C20orf96: variants seen among roughly 807,000 people sequenced by gnomAD.
C20orf96 encodes uncharacterized protein C20orf96.
C20orf96 carries 57 observed loss-of-function variants against 52.6 expected under a neutral mutation model. The ratio of observed to expected loss-of-function variants is 1.08; its 90% confidence interval spans 0.88 to 1.35. C20orf96 has a LOEUF of 1.35. Ranked by LOEUF, C20orf96 falls within the 40% of genes most tolerant of loss-of-function variation. C20orf96 has a pLI of 0.00. For synonymous variants in C20orf96, 168 were observed against 157.2 expected (o/e 1.07, Z -0.51); for missense variants, 478 against 443.6 (o/e 1.08, Z -0.70).
rs1015870312 is a variant in C20orf96, at chr20:289,205, A to C, written c.187+354T>G. Among the ~76,000 whole-genome samples the C allele has an allele frequency of 1.3e-4, 14 of 110,348 alleles. No homozygotes were observed. The East Asian group carries it at 2.6e-3, about 21-fold the overall frequency. 72.4% of individuals were successfully genotyped at this position (110,348 alleles called of 152,430 possible). The stretch of plus-strand genomic sequence containing the variant: ...GTCACTTCAAATCTGGACCCCCCCC[A>C]AAAAAAATGCCCACATAATTGTCCA... On this transcript the variant is annotated intron_variant, in intron 3 of 10. Transcript: ENST00000360321.
chr20:275,860 T>A, intron 10 of C20orf96, 108 bp downstream of exon 10: 40 of 1,037,090 alleles, frequency 3.9e-5, no homozygotes, highest in Non-Finnish European at 4.7e-5. Flanking sequence ...CCTCCCTCCC[T>A]GTACAGGGTT....
chr20:279,466 A>C (rs2012191559), intron 4 of C20orf96, 136 bp from the exon 5 acceptor site: 3 of 1,005,654 alleles, frequency 3.0e-6, no homozygotes, highest in African/African-American at 1.8e-5. Flanking sequence ...ACGCGGCCCA[A>C]GCTGGGCGGT....
At chr20:285,296 G>A (rs561814969) in intron 3 of C20orf96, among the ~76,000 whole-genome samples, 5 of 152,224 alleles carry the variant, frequency 3.3e-5, no homozygotes, top group South Asian at 4.1e-4. Flanking sequence ...GGGACAAATC[G>A]CCCAGGTGGA....
intron 10 of C20orf96, among the ~76,000 whole-genome samples, 176 bp from the exon 11 acceptor site, chr20:271,443 TAC>T (rs71191933): frequency 0.062 from 8,273 of 134,070 alleles, 226 homozygotes; most frequent in African/African-American, 0.081. Context: ...TACACAAGCA[TAC>T]ACACACACAC....
rs201177209 is a variant in C20orf96 at position 278,916 on chromosome 20, GGC to G, written c.465+254_465+255del. On this transcript the variant is annotated intron_variant, in intron 5 of 10. Coordinates refer to ENST00000360321, the MANE Select transcript of C20orf96 (RefSeq NM_153269.3). Reference sequence around the variant, plus strand: ...CAGTGGGCGGGGAAAGGCAGGAGAGGGCGCGCGAGTGCGCGGAGGGAGGGCGG... The same window carrying G: ...CAGTGGGCGGGGAAAGGCAGGAGAGGGCGCGAGTGCGCGGAGGGAGGGCGG... Among the ~76,000 whole-genome samples, 118 of 57,046 alleles carry G rather than the reference GGC, an allele frequency of 2.1e-3. 1 individual carries two copies. The highest frequency in any genetic ancestry group is 9.6e-3 in the African/African-American group (112 of 11,706). 37.4% of individuals were successfully genotyped at this position (57,046 alleles called of 152,430 possible).
rs941900711 is a variant in C20orf96, at chr20:276,058, G to A, written c.941C>T (p.Pro314Leu). The A allele has an allele frequency of 6.2e-7, 1 of 1,614,170 alleles. No individual in the cohort carries two copies. The part of the protein sequence containing the change: ...EIIDQFEENM[P>L]VLRAEVEELQ... ...CTCTTCCACCTCGGCCCTTAATACA[G>A]GCATGTTCTCCTCAAACTGGTCAAT... The change falls in exon 10 of 11, where the codon CCT becomes CTT. Residue 314 changes from proline (P) to leucine (L), a missense_variant. Pro to Leu is a moderately conservative substitution (Grantham distance 98, BLOSUM62 -3). Coordinates refer to ENST00000360321, the MANE Select transcript of C20orf96 (RefSeq NM_153269.3).
rs761705990 is a variant in C20orf96, at chr20:276,872, TG to T, written c.832del (p.Gln278SerfsTer19). ...KILSSVVAET[Q>X]RPYEEALLQK... ...TAGGAGAGCCTCTTCATAGGGACGC[TG>T]GGTTTCCTGTGGAGGAAGAAGAGGT... is the stretch of plus-strand genomic sequence containing the variant. On this transcript the variant is annotated frameshift_variant, in exon 9 of 11. Transcript: ENST00000360321. LOFTEE classifies it high-confidence loss of function. 1.9e-6 allele frequency: 3 copies of T among 1,613,966 alleles called. No homozygotes were observed. The highest frequency in any genetic ancestry group is 2.5e-6 in the Non-Finnish European group (3 of 1,179,912).
chr20:272,701 GC>G (rs1463392997), intron 10 of C20orf96, among the ~76,000 whole-genome samples: 6 of 151,662 alleles, frequency 4.0e-5, no homozygotes, highest in African/African-American at 1.2e-4. Flanking sequence ...CCCTCACCCC[GC>G]CCCAGCCTTC....
chr20:288,158 C>CTTTCTTTTTTTT (rs2012437008), intron 3 of C20orf96, among the ~76,000 whole-genome samples: 1 of 89,722 alleles, frequency 1.1e-5, no homozygotes, highest in Non-Finnish European at 2.2e-5. Flanking sequence ...TAAATCATTT[C>CTTTCTTTTTTTT]TTTCTTTTTC....
chr20:284,440 A>G (rs969950762), intron 3 of C20orf96, among the ~76,000 whole-genome samples: 1 of 152,240 alleles, frequency 6.6e-6, no homozygotes, highest in African/African-American at 2.4e-5. Flanking sequence ...AGGACAGCAG[A>G]AAGACCAGAG....
intron 3 of C20orf96, among the ~76,000 whole-genome samples, chr20:288,622 G>A (rs2012458864): frequency 6.6e-6 from 1 of 152,106 alleles, no homozygotes; most frequent in Non-Finnish European, 1.5e-5. Context: ...TCCCCACCCA[G>A]CATCAGTGAG....
At chr20:284,789 G>A (rs985264800) in intron 3 of C20orf96, among the ~76,000 whole-genome samples, 2 of 152,188 alleles carry the variant, frequency 1.3e-5, no homozygotes, top group Non-Finnish European at 2.9e-5. Context: ...CTCGGGAGGC[G>A]GAGGTTGCAG....
At chr20:280,687 C>A (rs571974392) in intron 4 of C20orf96, among the ~76,000 whole-genome samples, 93 of 152,296 alleles carry the variant, frequency 6.1e-4, no homozygotes, top group African/African-American at 2.1e-3. Flanking sequence ...CATGGCTGAA[C>A]CACGTAGTGA....
At chr20:276,951 G>A in intron 8 of C20orf96, 72 bp from the exon 9 acceptor site, 1 of 1,600,676 alleles carries the variant, frequency 6.2e-7, no homozygotes, top group Non-Finnish European at 8.5e-7. Flanking sequence ...AGACCGATGG[G>A]GCTGCAGTGG....
Position 270,870 on chromosome 20 carries a change from T to G in C20orf96, c.*337A>C, listed in dbSNP as rs1397917607. The G allele has an allele frequency of 3.3e-6, 1 of 300,486 alleles. No homozygotes were observed. Among genetic ancestry groups the G allele is most frequent in the Admixed American group, 5.0e-5 (1 of 20,080 alleles). 18.6% of individuals were successfully genotyped at this position (300,486 alleles called of 1,614,324 possible). A position where few individuals can be genotyped will look rare whatever the true frequency, so the allele number is the denominator to read the frequency against. ...CGAGACACTGGCAAAAAAGCAAATG[T>G]AAATCCAGCTTTATTGGTAAAAAAG... On this transcript the variant is annotated 3_prime_UTR_variant, in exon 11 of 11. Coordinates refer to ENST00000360321, the MANE Select transcript of C20orf96 (RefSeq NM_153269.3).
rs1201956998 is a variant in C20orf96, at chr20:270,888, T to TA, written c.*318dup. 3.2e-6 allele frequency: 1 copy of TA among 311,760 alleles called. No individual in the cohort carries two copies. The highest frequency in any genetic ancestry group is 5.7e-5 in the South Asian group (1 of 17,676). 19.3% of individuals were successfully genotyped at this position (311,760 alleles called of 1,614,324 possible). A position where few individuals can be genotyped will look rare whatever the true frequency, so the allele number is the denominator to read the frequency against. ...GCAAATGTAAATCCAGCTTTATTGGTAAAAAAGGAATAGCAGATTTAATCA... is the reference window on the plus strand; with the variant it reads ...GCAAATGTAAATCCAGCTTTATTGGTAAAAAAAGGAATAGCAGATTTAATCA... On this transcript the variant is annotated 3_prime_UTR_variant, in exon 11 of 11. Coordinates refer to ENST00000360321, the MANE Select transcript of C20orf96 (RefSeq NM_153269.3).
chr20:278,198 C>T (rs2012091469), intron 6 of C20orf96, 132 bp downstream of exon 6: 5 of 742,754 alleles, frequency 6.7e-6, no homozygotes, highest in Admixed American at 1.8e-5. Flanking sequence ...TGTATCTTAG[C>T]ATTCCCATCT....
intron 3 of C20orf96, among the ~76,000 whole-genome samples, chr20:286,306 T>C (rs1364580282): frequency 1.3e-5 from 2 of 151,790 alleles, no homozygotes; most frequent in Non-Finnish European, 2.9e-5. Context: ...CACCTGAGGT[T>C]AGGAGTTCAA....
At chr20:276,660 G>A in intron 9 of C20orf96, 133 bp downstream of exon 9, 1 of 1,487,590 alleles carries the variant, frequency 6.7e-7, no homozygotes, top group African/African-American at 1.4e-5. Flanking sequence ...CACCGGCAAG[G>A]AGGGAGGCCA....
Sources: gnomAD v4.1 joint callset for allele counts (sites outside exome capture counted in the v4.1 genomes callset) on GRCh38, gnomAD v4.1.1 for gene constraint, MANE v1.5 for transcripts, NCBI Gene and HGNC (gene_info 2026-07-23, HGNC 2026-07-21) for gene names.